The following MTAP variants were observed in gnomAD, a reference collection of about 807,000 sequenced individuals.
MTAP encodes the protein methylthioadenosine phosphorylase, also known as S-methyl-5'-thioadenosine phosphorylase.
In MTAP, 33 loss-of-function variants were observed where a neutral mutation model predicts 33.6. The observed-to-expected ratio is 0.98, with a 90% CI of 0.74 to 1.31. The LOEUF is 1.31. MTAP is among the 40% of genes most tolerant of loss of function. MTAP has a pLI of 0.00. For synonymous variants in MTAP, 148 were observed against 125.7 expected, an observed-to-expected ratio of 1.18 and a Z score of -1.19; for missense variants, 367 against 360.0, an observed-to-expected ratio of 1.02 and a Z score of -0.16.
At chr9:21,895,661 T>C (rs1340791045) in intron 1 of MTAP, among the ~76,000 whole-genome samples, 1 of 152,188 alleles carries the variant, frequency 6.6e-6, no homozygotes, top group Admixed American at 6.5e-5. Context: ...TAGGAGGTTA[T>C]ATCCCATGCC....
chr9:21,887,453 A>G (rs1012823370), intron 1 of MTAP, among the ~76,000 whole-genome samples: 7 of 152,100 alleles, frequency 4.6e-5, no homozygotes, highest in Non-Finnish European at 1.0e-4. Context: ...ATCATTTTTT[A>G]TGGCTGCATA....
In MTAP at chr9:21,854,699, G is replaced by C. The variant is rs1825594834; in HGVS notation, c.519G>C (p.Glu173Asp). The C allele has an allele frequency of 6.2e-7, 1 of 1,614,012 alleles. No homozygotes were observed. Among genetic ancestry groups the C allele is most frequent in the Non-Finnish European group, 8.5e-7 (1 of 1,179,910 alleles). The part of the protein sequence containing the change: ...CHSKGTMVTI[E>D]GPRFSSRAES... ...CAAAGGGGACAATGGTCACAATCGAGGGACCTCGTTTTAGCTCCCGGGCAG... is the reference window on the plus strand; with the variant it reads ...CAAAGGGGACAATGGTCACAATCGACGGACCTCGTTTTAGCTCCCGGGCAG... Residue 173 changes from glutamate to aspartate, a missense_variant, in exon 6 of 8, where the codon GAG becomes GAC. Physicochemically the swap from Glu to Asp is conservative, Grantham distance 45 (BLOSUM62 2). Transcript: ENST00000644715.
At chr9:21,826,317 A>C (rs1824800866) in intron 4 of MTAP, among the ~76,000 whole-genome samples, 1 of 151,714 alleles carries the variant, frequency 6.6e-6, no homozygotes, top group Admixed American at 6.6e-5. Context: ...TCCACTCATT[A>C]CACACATAAG....
At chr9:21,812,469 C>G (rs1048493585) in intron 1 of MTAP, 5 of 152,678 alleles carry the variant, frequency 3.3e-5, no homozygotes, top group African/African-American at 1.2e-4. Flanking sequence ...TTTCAGAACT[C>G]TATCTTGTGT....
At chr9:21,822,059 G>C (rs1475388711) in intron 4 of MTAP, among the ~76,000 whole-genome samples, 1 of 151,884 alleles carries the variant, frequency 6.6e-6, no homozygotes, top group African/African-American at 2.4e-5. Flanking sequence ...TATCAATTTT[G>C]TTGATCCTTT....
At position 21,837,956 on chromosome 9, in the gene MTAP, C is replaced by T. The variant is rs1272621191; in HGVS notation, c.396C>T (p.Ala132=). The part of the protein sequence containing the change: ...QSFYDGSHSC[A]RGVCHIPMAE... The stretch of plus-strand genomic sequence containing the variant: ...TCTATGATGGAAGTCATTCTTGTGC[C>T]AGAGGAGTGTGCCATATTCCAATGG... Residue 132 remains alanine (A), a synonymous_variant, in exon 5 of 8, where the codon GCC becomes GCT. Transcript: ENST00000644715. 44 of 1,613,962 alleles carry T rather than the reference C, an allele frequency of 2.7e-5. No individual in the cohort carries two copies. Among genetic ancestry groups the T allele is most frequent in the Non-Finnish European group, 3.4e-5 (40 of 1,180,004 alleles).
At chr9:21,844,599 C>G (rs923397941) in intron 5 of MTAP, among the ~76,000 whole-genome samples, 4 of 152,180 alleles carry the variant, frequency 2.6e-5, no homozygotes, top group Non-Finnish European at 5.9e-5. Context: ...AAATGTGATA[C>G]ATCACATAAA....
At chr9:21,826,595 G>T (rs1203855709) in intron 4 of MTAP, among the ~76,000 whole-genome samples, 1 of 140,220 alleles carries the variant, frequency 7.1e-6, no homozygotes, top group African/African-American at 2.7e-5. Flanking sequence ...GGTGCCAGAG[G>T]TGCTGGGGTT....
chr9:21,888,196 A>G (rs1041171071), intron 1 of MTAP, among the ~76,000 whole-genome samples: 1 of 152,030 alleles, frequency 6.6e-6, no homozygotes, highest in Non-Finnish European at 1.5e-5. Flanking sequence ...ACTTGATATA[A>G]TTTTGATTTT....
In MTAP at chr9:21,862,987, T is replaced by C; in HGVS notation, c.*973T>C. 1.0e-6 allele frequency: 1 copy of C among 984,574 alleles called. No homozygotes were observed. Among genetic ancestry groups the C allele is most frequent in the Non-Finnish European group, 1.2e-6 (1 of 829,160 alleles). The allele number at this position is 984,574 out of a possible 1,614,324, so 61.0% of individuals were successfully genotyped here. A position where few individuals can be genotyped will look rare whatever the true frequency, so the allele number is the denominator to read the frequency against. ...CACTGTTTCTGGTAATGAAGCAGAA[T>C]TTAAGTTGGTAATATTAAGGTGAAT... On this transcript the variant is annotated 3_prime_UTR_variant, in exon 8 of 8. Transcript: ENST00000644715.
chr9:21,937,149 A>C (rs1163716599), exon 8 of MTAP: 1 of 152,146 alleles, frequency 6.6e-6, no homozygotes, highest in Non-Finnish European at 1.5e-5. Flanking sequence ...TCAAGAGATC[A>C]AGACCATGGT....
At chr9:21,822,280 T>G (rs1255504249) in intron 4 of MTAP, among the ~76,000 whole-genome samples, 1 of 152,234 alleles carries the variant, frequency 6.6e-6, no homozygotes, top group African/African-American at 2.4e-5. Context: ...GCTATAAATT[T>G]CCCTCTACAC....
chr9:21,911,931 A>G (rs567679612), intron 1 of MTAP, among the ~76,000 whole-genome samples: 43 of 152,354 alleles, frequency 2.8e-4, no homozygotes, highest in African/African-American at 1.0e-3. Flanking sequence ...AGATGAAATA[A>G]AAACTGATAA....
chr9:21,896,107 G>T (rs142339030), intron 1 of MTAP, among the ~76,000 whole-genome samples: 1 of 152,028 alleles, frequency 6.6e-6, no homozygotes, highest in Non-Finnish European at 1.5e-5. Flanking sequence ...ATTAAGAAAC[G>T]CACCCAAAAC....
chr9:21,814,752 A>C (rs769611421), intron 1 of MTAP, among the ~76,000 whole-genome samples: 1 of 152,348 alleles, frequency 6.6e-6, no homozygotes, highest in Non-Finnish European at 1.5e-5. Context: ...GCATAAATGT[A>C]TTTACTGAGT....
Position 21,862,254 on chromosome 9 carries a change from T to G in MTAP, c.*240T>G. 9.7e-7 allele frequency: 1 copy of G among 1,032,560 alleles called. No individual in the cohort carries two copies. Among genetic ancestry groups the G allele is most frequent in the Non-Finnish European group, 1.3e-6 (1 of 797,442 alleles). 64.0% of individuals were successfully genotyped at this position (1,032,560 alleles called of 1,614,324 possible). Reference sequence around the variant, plus strand: ...AAACATGTGGGAAAAAATATTACATTTTAAGGGGGAAAAAAAAACCCACCA... The same window carrying G: ...AAACATGTGGGAAAAAATATTACATGTTAAGGGGGAAAAAAAAACCCACCA... On this transcript the variant is annotated 3_prime_UTR_variant, in exon 8 of 8. Transcript: ENST00000644715.
downstream of MTAP, chr9:21,931,288 A>G: frequency 1.7e-6 from 1 of 589,610 alleles, no homozygotes; most frequent in South Asian, 2.1e-5. Flanking sequence ...CAGTTTCCCA[A>G]AGAATTGGGT....
intron 1 of MTAP, among the ~76,000 whole-genome samples, chr9:21,915,354 G>C (rs1818670972): frequency 6.6e-6 from 1 of 151,960 alleles, no homozygotes; most frequent in Non-Finnish European, 1.5e-5. Flanking sequence ...GCCTCCCAAA[G>C]TGCTGGGATT....
chr9:21,860,008 T>C (rs1825721417), intron 7 of MTAP: 1 of 152,248 alleles, frequency 6.6e-6, no homozygotes, highest in South Asian at 2.1e-4. Context: ...AGGGAAAGAC[T>C]TGTCTCAAAC....
Sources: gnomAD v4.1 joint callset for allele counts (sites outside exome capture counted in the v4.1 genomes callset) on GRCh38, gnomAD v4.1.1 for gene constraint, MANE v1.5 for transcripts, NCBI Gene and HGNC (gene_info 2026-07-23, HGNC 2026-07-21) for gene names.